CDH13: variants seen among roughly 807,000 people sequenced by gnomAD.
CDH13 encodes the protein cadherin-13.
Under a neutral mutation model 63.8 loss-of-function variants are expected in CDH13, and 24 were observed. That is an observed-to-expected ratio of 0.38 (90% CI 0.27 to 0.53). The LOEUF is 0.53. Among genes scored for constraint, CDH13 ranks in the 20% least tolerant of loss-of-function variants. The pLI is 0.85. For missense variants in CDH13, 1,049 were observed against 903.1 expected (o/e 1.16, Z -2.07); for synonymous variants, 503 against 355.3 (o/e 1.42, Z -4.67).
chr16:83,191,271 T>A (rs547505704), intron 4 of CDH13, among the ~76,000 whole-genome samples: 3 of 145,576 alleles, frequency 2.1e-5, no homozygotes, highest in Admixed American at 1.4e-4. Context: ...AAATCACAAG[T>A]GTTAATAGTT....
chr16:82,869,904 C>T (rs1045674886), intron 2 of CDH13, among the ~76,000 whole-genome samples: 2 of 152,120 alleles, frequency 1.3e-5, no homozygotes, highest in East Asian at 1.9e-4. Flanking sequence ...GGGAAATACT[C>T]CAGGACATTG....
At chr16:83,084,015 C>G (rs1468572332) in intron 3 of CDH13, among the ~76,000 whole-genome samples, 1 of 152,154 alleles carries the variant, frequency 6.6e-6, no homozygotes, top group East Asian at 1.9e-4. Context: ...TGCTGTGGAC[C>G]TATCATAATT....
At chr16:83,591,434 C>G (rs76439989) in intron 7 of CDH13, among the ~76,000 whole-genome samples, 16,695 of 152,298 alleles carry the variant, frequency 0.11, 1,148 homozygotes, top group Middle Eastern at 0.21. Context: ...TCCTAACCAG[C>G]CATGTGCTCC....
chr16:83,511,735 A>G (rs2074571264), intron 7 of CDH13, among the ~76,000 whole-genome samples: 1 of 152,234 alleles, frequency 6.6e-6, no homozygotes, highest in South Asian at 2.1e-4. Flanking sequence ...GAAGAATGAA[A>G]TCGCAAAATA....
chr16:83,043,915 T>G (rs1409192467), intron 3 of CDH13, among the ~76,000 whole-genome samples: 1 of 152,130 alleles, frequency 6.6e-6, no homozygotes, highest in Non-Finnish European at 1.5e-5. Context: ...TGAAATGTAG[T>G]ATATATTTTA....
intron 1 of CDH13, among the ~76,000 whole-genome samples, chr16:82,700,951 A>ACCACCC (rs1567641690): frequency 7.2e-5 from 1 of 13,806 alleles, no homozygotes; most frequent in Non-Finnish European, 2.1e-4. Context: ...AAGTGCTGGA[A>ACCACCC]CCCGCCCCCC....
intron 8 of CDH13, among the ~76,000 whole-genome samples, chr16:83,646,293 A>G (rs1479373591): frequency 6.6e-6 from 1 of 152,226 alleles, no homozygotes; most frequent in African/African-American, 2.4e-5. Context: ...CTGGGTGAGT[A>G]GCGTACCCGG....
chr16:82,633,171 A>G (rs945676725), intron 1 of CDH13, among the ~76,000 whole-genome samples: 8 of 152,204 alleles, frequency 5.3e-5, no homozygotes, highest in Admixed American at 5.2e-4. Context: ...CCCCTGCTCT[A>G]CGTAGTGTTC....
At chr16:83,277,677 A>T (rs2089035565) in intron 5 of CDH13, among the ~76,000 whole-genome samples, 1 of 152,212 alleles carries the variant, frequency 6.6e-6, no homozygotes, top group African/African-American at 2.4e-5. Flanking sequence ...AGTAGCAGAT[A>T]AGAGAATCCA....
At chr16:83,501,211 A>C (rs1339200286) in intron 7 of CDH13, among the ~76,000 whole-genome samples, 1 of 152,238 alleles carries the variant, frequency 6.6e-6, no homozygotes, top group African/African-American at 2.4e-5. Context: ...CAGCCATGGG[A>C]AATGAATTTA....
At chr16:83,135,680 A>C (rs1251711639) in intron 4 of CDH13, among the ~76,000 whole-genome samples, 2 of 152,216 alleles carry the variant, frequency 1.3e-5, no homozygotes, top group Non-Finnish European at 2.9e-5. Flanking sequence ...CTGGGTATCT[A>C]CCCAGAGGAA....
chr16:82,782,564 A>T (rs12922151), intron 1 of CDH13, among the ~76,000 whole-genome samples: 58,135 of 151,126 alleles, frequency 0.38, 11,872 homozygotes, highest in South Asian at 0.56. Flanking sequence ...AAAAAAAAAA[A>T]AATAATAATA....
intron 1 of CDH13, among the ~76,000 whole-genome samples, chr16:82,713,285 C>T (rs1241594256): frequency 6.6e-6 from 1 of 152,126 alleles, no homozygotes; most frequent in Non-Finnish European, 1.5e-5. Flanking sequence ...CTGGAACATG[C>T]TCTCCAGGCA....
rs1473128068 is a variant in CDH13 at position 83,607,024 on chromosome 16, G to T, written c.1101+4430G>T. Among the ~76,000 whole-genome samples the T allele has an allele frequency of 3.3e-5, 5 of 152,014 alleles. No individual in the cohort carries two copies. In the East Asian group the frequency reaches 9.7e-4, roughly 30 times the overall value. ...CTCCCTTACCTGTAAGGGAGGCTGA[G>T]AAATAACTACAGTTGTCTTCAGTTG... On this transcript the variant is annotated intron_variant, in intron 8 of 13. Coordinates refer to ENST00000567109, the MANE Select transcript of CDH13 (RefSeq NM_001257.5).
intron 4 of CDH13, among the ~76,000 whole-genome samples, chr16:83,172,021 G>T (rs933419724): frequency 3.3e-5 from 5 of 152,080 alleles, no homozygotes; most frequent in African/African-American, 1.2e-4. Flanking sequence ...AAATTCGTAT[G>T]TTGAAGTCAT....
At chr16:83,062,328 C>A (rs985422339) in intron 3 of CDH13, among the ~76,000 whole-genome samples, 2 of 152,124 alleles carry the variant, frequency 1.3e-5, no homozygotes, top group Admixed American at 6.6e-5. Flanking sequence ...TTTTTAAAAG[C>A]GTTGTTTCTT....
intron 3 of CDH13, among the ~76,000 whole-genome samples, chr16:83,095,783 A>C (rs959278976): frequency 6.6e-6 from 1 of 152,218 alleles, no homozygotes; most frequent in African/African-American, 2.4e-5. Context: ...CTAAGACTCT[A>C]TGATTCTCAC....
intron 2 of CDH13, among the ~76,000 whole-genome samples, chr16:82,903,248 C>T (rs2041527898): frequency 6.6e-6 from 1 of 152,168 alleles, no homozygotes. Context: ...AAACATTTGG[C>T]CCAGCACCTT....
At chr16:83,631,561 A>G (rs1910781261) in intron 8 of CDH13, among the ~76,000 whole-genome samples, 4 of 152,142 alleles carry the variant, frequency 2.6e-5, no homozygotes, top group South Asian at 4.2e-4. Flanking sequence ...TAGCAGAGTT[A>G]CAGCTTGAGG....
Sources: gnomAD v4.1 joint callset for allele counts (sites outside exome capture counted in the v4.1 genomes callset) on GRCh38, gnomAD v4.1.1 for gene constraint, MANE v1.5 for transcripts, NCBI Gene and HGNC (gene_info 2026-07-23, HGNC 2026-07-21) for gene names.